The following INSL6 variants were observed in gnomAD, a reference collection of about 807,000 sequenced individuals.
The protein encoded by INSL6 is insulin like 6.
INSL6 carries 16 observed loss-of-function variants against 9.4 expected under a neutral mutation model. The ratio of observed to expected loss-of-function variants is 1.70; its 90% CI spans 1.15 to 2.59. The LOEUF (loss-of-function observed/expected upper bound fraction) is 2.59, where lower values mean the gene tolerates loss of function less well. INSL6 is among the 30% of genes most tolerant of loss of function. The pLI, the probability that INSL6 is intolerant of heterozygous loss-of-function variation, is 0.00. For synonymous variants in INSL6, 154 were observed against 96.9 expected, an observed-to-expected ratio of 1.59 and a Z score of -3.46; for missense variants, 391 against 257.3, an observed-to-expected ratio of 1.52 and a Z score of -3.56.
rs200376936 is a variant in INSL6, at chr9:5,165,424, AT to A, written c.290-1160del. 5.6e-3 allele frequency among the ~76,000 whole-genome samples: 857 copies of A among 152,238 alleles called. 4 individuals are homozygous for A. Among genetic ancestry groups the A allele is most frequent in the African/African-American group, 0.019 (791 of 41,540 alleles). On this transcript the variant is annotated intron_variant, in intron 1 of 1. Transcript: ENST00000381641. ...TACAGTAGAGTTCCAATTTTCCCACATCCCCATCAAAACTTGACATTTTCCA... is the reference window on the plus strand; with the variant it reads ...TACAGTAGAGTTCCAATTTTCCCACACCCCATCAAAACTTGACATTTTCCA...
the INSL6 span, among the ~76,000 whole-genome samples, chr9:5,049,164 C>T: frequency 6.6e-6 from 1 of 152,174 alleles, no homozygotes; most frequent in Non-Finnish European, 1.5e-5. Context: ...CTGAGCCATA[C>T]ACCAGCCTCT....
rs1470846896 is a variant in INSL6, at chr9:5,164,179, C to G, written c.376G>C (p.Gly126Arg). Residue 126 changes from glycine (G) to arginine (R), a missense_variant, in exon 2 of 2, where the codon GGT (glycine) becomes CGT (arginine). Gly to Arg is a moderately radical substitution (Grantham distance 125). Coordinates refer to ENST00000381641, the MANE Select transcript of INSL6 (RefSeq NM_007179.3). ...YKDKKGYSPLGKTREFSSSHN... is the reference protein window; with the variant it reads ...YKDKKGYSPLRKTREFSSSHN... ...GATGAAGAAAATTCTCTTGTCTTAC[C>G]AAGGGGTGAATATCCCTTTTTATCC... is the stretch of plus-strand genomic sequence containing the variant. 1 of 1,607,082 alleles carries G rather than the reference C, an allele frequency of 6.2e-7. No individual in the cohort carries two copies. The highest frequency in any genetic ancestry group is 1.3e-5 in the African/African-American group (1 of 74,428).
chr9:5,006,720 C>A, the INSL6 span, among the ~76,000 whole-genome samples: 2 of 152,168 alleles, frequency 1.3e-5, no homozygotes, highest in Admixed American at 6.5e-5. Flanking sequence ...ACTAGCAAAG[C>A]GTAAATCCAT....
chr9:5,123,069 T>C, downstream of INSL6: 1 of 1,611,568 alleles, frequency 6.2e-7, no homozygotes, highest in South Asian at 1.1e-5. Flanking sequence ...AGCTTTGGAG[T>C]GGTTCTGTAT....
the INSL6 span, among the ~76,000 whole-genome samples, chr9:5,003,165 C>G: frequency 6.6e-6 from 1 of 151,808 alleles, no homozygotes; most frequent in African/African-American, 2.4e-5. Flanking sequence ...TAATATAAAT[C>G]TTTAGTTTGC....
At chr9:5,021,304 T>A in the INSL6 span, among the ~76,000 whole-genome samples, 1 of 152,218 alleles carries the variant, frequency 6.6e-6, no homozygotes, top group Non-Finnish European at 1.5e-5. Flanking sequence ...AGCAGGTGAG[T>A]ACCAGATAAC....
the INSL6 span, among the ~76,000 whole-genome samples, chr9:5,027,631 G>A: frequency 1.3e-5 from 2 of 152,156 alleles, no homozygotes; most frequent in Non-Finnish European, 1.5e-5. Context: ...CATTTTACCC[G>A]CAGTAGAACT....
At chr9:5,044,053 T>C in the INSL6 span, among the ~76,000 whole-genome samples, 1 of 152,378 alleles carries the variant, frequency 6.6e-6, no homozygotes, top group South Asian at 2.1e-4. Flanking sequence ...TAAGCAATTA[T>C]TTGTTTTTAT....
chr9:5,092,690 C>T, the INSL6 span, among the ~76,000 whole-genome samples: 1 of 152,124 alleles, frequency 6.6e-6, no homozygotes. Flanking sequence ...ATAGCCAAGT[C>T]CCCCGAAACC....
chr9:5,050,832 G>T, the INSL6 span: 1 of 1,612,174 alleles, frequency 6.2e-7, no homozygotes, highest in Non-Finnish European at 8.5e-7. Flanking sequence ...ACTCTATCAG[G>T]TAATTTTCTT....
chr9:5,087,548 T>A, the INSL6 span, among the ~76,000 whole-genome samples: 1 of 152,234 alleles, frequency 6.6e-6, no homozygotes, highest in African/African-American at 2.4e-5. Context: ...TTCTTTTCGC[T>A]GTATTTTTCT....
the INSL6 span, chr9:5,081,582 A>C: frequency 5.0e-6 from 3 of 597,166 alleles, no homozygotes; most frequent in East Asian, 8.3e-5. Context: ...GGCTCCCATT[A>C]ATATAATTGA....
chr9:5,036,039 C>T, the INSL6 span, among the ~76,000 whole-genome samples: 1 of 152,134 alleles, frequency 6.6e-6, no homozygotes, highest in Non-Finnish European at 1.5e-5. Context: ...AAAGTCTCAG[C>T]ATACAAAATC....
At chr9:5,039,102 G>C in the INSL6 span, among the ~76,000 whole-genome samples, 1 of 152,098 alleles carries the variant, frequency 6.6e-6, no homozygotes, top group Non-Finnish European at 1.5e-5. Flanking sequence ...GGAATGAGAT[G>C]AGGATAGCTA....
chr9:5,003,517 T>C, the INSL6 span, among the ~76,000 whole-genome samples: 1 of 152,084 alleles, frequency 6.6e-6, no homozygotes, highest in African/African-American at 2.4e-5. Context: ...ATTTAAAAAA[T>C]TGTTTGCTTC....
the INSL6 span, among the ~76,000 whole-genome samples, chr9:5,074,326 T>A: frequency 2.0e-5 from 3 of 152,168 alleles, no homozygotes; most frequent in African/African-American, 7.2e-5. Context: ...TTGTGCTTCT[T>A]AGATATTGTA....
rs142813719 is a variant in INSL6 at position 5,185,598 on chromosome 9, G to C, written c.5C>G (p.Pro2Arg). ...CAGCAGGGACAAGCGGAGGAGCCGC[G>C]GCATCCCTGTGACCCCAGGCTAGTC... M[P>R]RLLRLSLLWL... The change falls in exon 1 of 2, where the codon CCG becomes CGG. Residue 2 changes from proline (P) to arginine (R), a missense_variant. Coordinates refer to ENST00000381641, the MANE Select transcript of INSL6 (RefSeq NM_007179.3). The C allele has an allele frequency of 1.4e-5, 22 of 1,611,314 alleles. No homozygotes were observed. Among genetic ancestry groups the C allele is most frequent in the South Asian group, 6.6e-5 (6 of 90,766 alleles).
the INSL6 span, among the ~76,000 whole-genome samples, chr9:5,013,716 A>C: frequency 6.6e-6 from 1 of 151,940 alleles, no homozygotes; most frequent in Non-Finnish European, 1.5e-5. Context: ...AACTTCTAAA[A>C]CCTTTCTTTG....
chr9:5,172,694 C>T (rs538962217), intron 1 of INSL6, among the ~76,000 whole-genome samples: 15 of 152,204 alleles, frequency 9.9e-5, no homozygotes, highest in South Asian at 2.1e-4. Context: ...TTTGGGAGGC[C>T]GAGGTGGGCA....
Sources: allele counts gnomAD v4.1 joint callset (sites outside exome capture counted in the v4.1 genomes callset), GRCh38; gene constraint gnomAD v4.1.1; transcripts MANE v1.5; gene names NCBI Gene and HGNC (gene_info 2026-07-23, HGNC 2026-07-21).